The following PLXNA4 variants were observed in gnomAD, a reference collection of about 807,000 sequenced individuals.
The protein encoded by PLXNA4 is plexin A4.
PLXNA4 carries 44 observed loss-of-function variants against 191.8 expected under a neutral mutation model. The ratio of observed to expected loss-of-function variants is 0.23; its 90% CI spans 0.18 to 0.29. The LOEUF (loss-of-function observed/expected upper bound fraction) is 0.29. PLXNA4 is among the 10% of genes least tolerant of loss of function. PLXNA4 has a pLI of 1.00. For missense variants in PLXNA4, 1,800 were observed against 2,488.8 expected (o/e 0.72, Z 5.89); for synonymous variants, 1,082 against 1,009.5 (o/e 1.07, Z -1.36).
chr7:132,464,746 C>G (rs1330654780), intron 3 of PLXNA4, among the ~76,000 whole-genome samples: 1 of 152,178 alleles, frequency 6.6e-6, no homozygotes, highest in Admixed American at 6.5e-5. Context: ...AGGAGTTAGT[C>G]CCTCCCCTCA....
At chr7:132,444,667 G>GGT (rs377509827) in intron 3 of PLXNA4, among the ~76,000 whole-genome samples, 1 of 152,266 alleles carries the variant, frequency 6.6e-6, no homozygotes, top group African/African-American at 2.4e-5. Context: ...TCTGTGTTAA[G>GGT]GTGTGTGTGT....
chr7:132,162,967 C>G (rs1364641390), intron 24 of PLXNA4, among the ~76,000 whole-genome samples: 1 of 152,150 alleles, frequency 6.6e-6, no homozygotes, highest in African/African-American at 2.4e-5. Flanking sequence ...GAATCACACT[C>G]CCTCCCAGTA....
At chr7:132,545,961 A>C (rs1800288046) in intron 1 of PLXNA4, among the ~76,000 whole-genome samples, 1 of 152,236 alleles carries the variant, frequency 6.6e-6, no homozygotes, top group Non-Finnish European at 1.5e-5. Flanking sequence ...CCAACCCCCA[A>C]AACTGACCAG....
intron 3 of PLXNA4, among the ~76,000 whole-genome samples, chr7:132,347,461 G>A (rs1466445747): frequency 6.6e-6 from 1 of 152,212 alleles, no homozygotes; most frequent in African/African-American, 2.4e-5. Context: ...GCTGATGTGG[G>A]ATGGGTAAAA....
intron 3 of PLXNA4, 39 bp downstream of exon 3, chr7:132,489,251 CTG>C: frequency 6.5e-7 from 1 of 1,542,280 alleles, no homozygotes; most frequent in Non-Finnish European, 8.9e-7. Flanking sequence ...GAGGGACAGA[CTG>C]TCTTCACAGT....
chr7:132,311,668 C>A (rs908680037), intron 3 of PLXNA4, among the ~76,000 whole-genome samples: 2 of 152,176 alleles, frequency 1.3e-5, no homozygotes, highest in Non-Finnish European at 2.9e-5. Flanking sequence ...TTCCCCTCCC[C>A]GTCCCACACA....
intron 7 of PLXNA4, 53 bp downstream of exon 7, chr7:132,227,398 T>TTC: frequency 6.2e-7 from 1 of 1,610,016 alleles, no homozygotes; most frequent in Non-Finnish European, 8.5e-7. Flanking sequence ...TGAGTTCTCC[T>TTC]TATCTAGCCA....
chr7:132,601,284 GA>G (rs5887583), intron 2 of PLXNA4, among the ~76,000 whole-genome samples: 139,346 of 149,848 alleles, frequency 0.93, 65,316 homozygotes, highest in Non-Finnish European at 1. Context: ...TGAGTCAAAA[GA>G]AAAAAAAAAA....
chr7:132,647,706 C>A (rs565729794), intron 1 of PLXNA4, among the ~76,000 whole-genome samples: 1 of 151,800 alleles, frequency 6.6e-6, no homozygotes, highest in Admixed American at 6.6e-5. Flanking sequence ...CACAAACACA[C>A]ACAGTCACAA....
At chr7:132,276,980 ACTC>A (rs1174972325) in intron 4 of PLXNA4, among the ~76,000 whole-genome samples, 1 of 152,006 alleles carries the variant, frequency 6.6e-6, no homozygotes, top group East Asian at 1.9e-4. Flanking sequence ...CCATATAAAT[ACTC>A]CTGTCACATA....
At chr7:132,496,806 CTA>C (rs1369199042) in intron 2 of PLXNA4, among the ~76,000 whole-genome samples, 5 of 152,154 alleles carry the variant, frequency 3.3e-5, no homozygotes, top group African/African-American at 7.2e-5. Flanking sequence ...GGGGAAGAGA[CTA>C]TGTGTCCAGT....
chr7:132,438,177 T>C (rs1165253846), intron 3 of PLXNA4, among the ~76,000 whole-genome samples: 1 of 152,218 alleles, frequency 6.6e-6, no homozygotes, highest in African/African-American at 2.4e-5. Context: ...TAAATTGGGT[T>C]AAAGGTTGGT....
chr7:132,388,548 G>A (rs1187173094), intron 3 of PLXNA4, among the ~76,000 whole-genome samples: 1 of 152,184 alleles, frequency 6.6e-6, no homozygotes, highest in African/African-American at 2.4e-5. Context: ...AAAAAAAAAG[G>A]TCTCCTTATT....
At chr7:132,267,311 T>C (rs983460061) in intron 4 of PLXNA4, among the ~76,000 whole-genome samples, 7 of 152,192 alleles carry the variant, frequency 4.6e-5, no homozygotes, top group African/African-American at 1.4e-4. Context: ...AGGGGAACAC[T>C]TTCCTCTCTA....
intron 25 of PLXNA4, among the ~76,000 whole-genome samples, chr7:132,150,013 C>T (rs1462358894): frequency 6.6e-6 from 1 of 152,160 alleles, no homozygotes; most frequent in South Asian, 2.1e-4. Context: ...GGCTCCAGTC[C>T]CTGGGGCTTC....
chr7:132,156,851 C>T (rs1197083939), intron 25 of PLXNA4, among the ~76,000 whole-genome samples: 1 of 152,118 alleles, frequency 6.6e-6, no homozygotes, highest in Non-Finnish European at 1.5e-5. Context: ...ATTTTTCTTG[C>T]GATGCAATCT....
At chr7:132,332,027 G>T (rs1382933856) in intron 3 of PLXNA4, among the ~76,000 whole-genome samples, 1 of 152,146 alleles carries the variant, frequency 6.6e-6, no homozygotes, top group African/African-American at 2.4e-5. Flanking sequence ...TAAAATGCAA[G>T]CTCTGAATAC....
intron 3 of PLXNA4, among the ~76,000 whole-genome samples, chr7:132,474,621 T>TACAC (rs201235696): frequency 1.8e-4 from 27 of 146,740 alleles, no homozygotes; most frequent in African/African-American, 5.0e-4. Context: ...TGAGCACATG[T>TACAC]ACACACACAC....
At chr7:132,535,256 T>C (rs1349592420) in intron 1 of PLXNA4, among the ~76,000 whole-genome samples, 1 of 152,220 alleles carries the variant, frequency 6.6e-6, no homozygotes, top group Non-Finnish European at 1.5e-5. Flanking sequence ...TGAGCGCTGA[T>C]TTACTTACAG....
Sources: gnomAD v4.1 joint callset for allele counts (sites outside exome capture counted in the v4.1 genomes callset) on GRCh38, gnomAD v4.1.1 for gene constraint, MANE v1.5 for transcripts, NCBI Gene and HGNC (gene_info 2026-07-23, HGNC 2026-07-21) for gene names.